The following TENT4B variants were observed in gnomAD, a reference collection of about 807,000 sequenced individuals.
TENT4B encodes the protein terminal nucleotidyltransferase 4B.
In TENT4B, 10 loss-of-function variants were observed where a neutral mutation model predicts 75.0. That is an observed-to-expected ratio of 0.13 (90% CI 0.08 to 0.23). The LOEUF (loss-of-function observed/expected upper bound fraction) is 0.23, where lower values mean the gene tolerates loss of function less well. Ranked by LOEUF, TENT4B falls within the 10% of genes least tolerant of loss-of-function variation. The probability of loss-of-function intolerance (pLI) is 1.00; values close to 1 mark genes in which losing one functional copy is unlikely to be tolerated. For synonymous variants in TENT4B, 350 were observed against 357.7 expected, an observed-to-expected ratio of 0.98 and a Z score of 0.24; for missense variants, 579 against 893.8, an observed-to-expected ratio of 0.65 and a Z score of 4.49.
At chr16:50,175,852 G>C (rs903270257) in intron 1 of TENT4B, among the ~76,000 whole-genome samples, 2 of 151,960 alleles carry the variant, frequency 1.3e-5, no homozygotes, top group Admixed American at 6.6e-5. Context: ...CACCATCAAG[G>C]CTTCGTTGCA....
At chr16:50,217,453 C>T (rs546058103) in intron 4 of TENT4B, 103 bp from the exon 5 acceptor site, 7 of 622,880 alleles carry the variant, frequency 1.1e-5, no homozygotes, top group Admixed American at 3.6e-5. Flanking sequence ...TTCTTATGCT[C>T]TCATGAGATG....
rs2031963970 is a variant in TENT4B, at chr16:50,224,557, G to A, written c.1382-100G>A. The A allele has an allele frequency of 4.1e-6, 6 of 1,458,700 alleles. No individual in the cohort carries two copies. In the South Asian group the frequency reaches 5.2e-5, roughly 13 times the overall value. The allele number at this position is 1,458,700 out of a possible 1,614,324, so 90.4% of individuals were successfully genotyped here. A position where few individuals can be genotyped will look rare whatever the true frequency, so the allele number is the denominator to read the frequency against. ...CTCAGCTTCCAGGCACAACTCTGGTGGGATAACTATGGCCCTTGCTCTCCT... is the reference window on the plus strand; with the variant it reads ...CTCAGCTTCCAGGCACAACTCTGGTAGGATAACTATGGCCCTTGCTCTCCT... On this transcript the variant is annotated intron_variant, in intron 7 of 11. Coordinates refer to ENST00000561678, the MANE Select transcript of TENT4B (RefSeq NM_001365324.3).
intron 4 of TENT4B, 124 bp downstream of exon 4, chr16:50,216,319 A>G: frequency 7.8e-7 from 1 of 1,283,538 alleles, no homozygotes; most frequent in Non-Finnish European, 1.1e-6. Flanking sequence ...TGTTAATGTC[A>G]CCGTGCTTGC....
At chr16:50,153,183 T>C (rs867687282), upstream of TENT4B, among the ~76,000 whole-genome samples, 1 of 21,140 alleles carries the variant, frequency 4.7e-5, no homozygotes, top group Non-Finnish European at 9.5e-5. Flanking sequence ...GGCGGGGCGG[T>C]GGGGGGGGGG....
intron 1 of TENT4B, among the ~76,000 whole-genome samples, chr16:50,190,066 ACT>A (rs1164714288): frequency 1.6e-5 from 2 of 127,940 alleles, no homozygotes; most frequent in East Asian, 4.4e-4. Flanking sequence ...ACAGAGTGAG[ACT>A]CTGTTTCAAA....
chr16:50,174,319 G>A (rs1156280422), intron 1 of TENT4B, among the ~76,000 whole-genome samples: 1 of 151,902 alleles, frequency 6.6e-6, no homozygotes, highest in Non-Finnish European at 1.5e-5. Flanking sequence ...GCTGGTCTTG[G>A]ACTCCTGGTC....
At chr16:50,152,960 C>A, upstream of TENT4B, 1 of 1,509,152 alleles carries the variant, frequency 6.6e-7, no homozygotes, top group African/African-American at 1.4e-5. Context: ...TCCATGCGGC[C>A]TCGTCCACGC....
At chr16:50,187,834 G>A (rs1277990161) in intron 1 of TENT4B, among the ~76,000 whole-genome samples, 1 of 151,780 alleles carries the variant, frequency 6.6e-6, no homozygotes, top group Non-Finnish European at 1.5e-5. Context: ...AGACCAGCCT[G>A]GGCAATATAG....
chr16:50,205,059 T>G (rs2150726972), intron 1 of TENT4B, among the ~76,000 whole-genome samples: 1 of 152,332 alleles, frequency 6.6e-6, no homozygotes, highest in East Asian at 1.9e-4. Flanking sequence ...TGTGTTTTCT[T>G]TAATGAATTT....
intron 1 of TENT4B, among the ~76,000 whole-genome samples, chr16:50,175,511 A>C (rs116569162): frequency 0.018 from 2,700 of 152,136 alleles, 98 homozygotes; most frequent in African/African-American, 0.062. Context: ...TTTGAGATGG[A>C]GTCTCGCTTT....
rs1311260608 is a variant in TENT4B, at chr16:50,231,246, A to ATG, written c.*1920_*1921dup. The ATG allele has an allele frequency of 1.0e-6, 1 of 985,288 alleles. No homozygotes were observed. The highest frequency in any genetic ancestry group is 4.7e-5 in the South Asian group (1 of 21,282). The allele number at this position is 985,288 out of a possible 1,614,324, so 61.0% of individuals were successfully genotyped here. A position where few individuals can be genotyped will look rare whatever the true frequency, so the allele number is the denominator to read the frequency against. ...TATTCTGATCAGAATTTTTATTGAG[A>ATG]TGTTGAGCTTTTGTTTTTGAAACTA... On this transcript the variant is annotated 3_prime_UTR_variant, in exon 12 of 12. Transcript: ENST00000561678.
At chr16:50,217,154 A>G (rs886136282) in intron 4 of TENT4B, among the ~76,000 whole-genome samples, 2 of 152,226 alleles carry the variant, frequency 1.3e-5, no homozygotes, top group African/African-American at 4.8e-5. Flanking sequence ...TCATTTTAAA[A>G]TTATCATTAT....
At chr16:50,164,184 G>A (rs2038055963) in intron 1 of TENT4B, among the ~76,000 whole-genome samples, 1 of 152,018 alleles carries the variant, frequency 6.6e-6, no homozygotes, top group Non-Finnish European at 1.5e-5. Flanking sequence ...AAAAAAGAAA[G>A]AAAGAAAGAA....
intron 1 of TENT4B, among the ~76,000 whole-genome samples, chr16:50,198,119 TAAAA>T (rs10682302): frequency 7.5e-6 from 1 of 134,172 alleles, no homozygotes; most frequent in African/African-American, 2.8e-5. Flanking sequence ...AAAATATAAT[TAAAA>T]AAAAAAAAAA....
chr16:50,168,897 C>T lies in TENT4B; in HGVS notation c.638+14638C>T, dbSNP rs553783001. ...CTGGCCTCAGGTGGTCCGTCCACTT[C>T]GGCCTCCCAAAGTGCTGGGATTACA... On this transcript the variant is annotated intron_variant, in intron 1 of 11. Transcript: ENST00000561678. 5.1e-4 allele frequency among the ~76,000 whole-genome samples: 77 copies of T among 150,308 alleles called. 1 individual carries two copies. Among genetic ancestry groups the T allele is most frequent in the Admixed American group, 1.3e-3 (20 of 15,112 alleles).
At position 50,154,214 on chromosome 16, in the gene TENT4B, G is replaced by A; in HGVS notation, c.593G>A (p.Ser198Asn). The change falls in exon 1 of 12, where the codon AGC (serine) becomes AAC (asparagine). Residue 198 changes from serine (S) to asparagine (N), a missense_variant. Physicochemically the swap from Ser to Asn is conservative, Grantham distance 46. Transcript: ENST00000561678. ...GCAGACGGCGGCGGGGTCGTGTACAGCGGGACCCCGTGGAAACGGAGGAAC... is the reference window on the plus strand; with the variant it reads ...GCAGACGGCGGCGGGGTCGTGTACAACGGGACCCCGTGGAAACGGAGGAAC... ...GRADGGGVVY[S>N]GTPWKRRNYN... 1.4e-6 allele frequency: 2 copies of A among 1,479,320 alleles called. No individual in the cohort carries two copies. The highest frequency in any genetic ancestry group is 1.3e-5 in the South Asian group (1 of 75,706). 91.6% of individuals were successfully genotyped at this position (1,479,320 alleles called of 1,614,324 possible).
In TENT4B at chr16:50,231,153, G is replaced by C; in HGVS notation, c.*1825G>C. On this transcript the variant is annotated 3_prime_UTR_variant, in exon 12 of 12. Transcript: ENST00000561678. ...CCAAAACTGGAAACTCATAGTACTC[G>C]TGTAAACTGTGGAAGATTTCAAATG... is the stretch of plus-strand genomic sequence containing the variant. 1 of 985,386 alleles carries C rather than the reference G, an allele frequency of 1.0e-6. No homozygotes were observed. Among genetic ancestry groups the C allele is most frequent in the Non-Finnish European group, 1.2e-6 (1 of 829,564 alleles). 61.0% of individuals were successfully genotyped at this position (985,386 alleles called of 1,614,324 possible).
chr16:50,214,647 C>T (rs1034976356), intron 3 of TENT4B, among the ~76,000 whole-genome samples: 9 of 152,150 alleles, frequency 5.9e-5, no homozygotes, highest in African/African-American at 2.2e-4. Context: ...CAGAGCAAGA[C>T]TCTGTCTCAA....
At chr16:50,191,375 A>AT (rs1384738173) in intron 1 of TENT4B, among the ~76,000 whole-genome samples, 12 of 151,722 alleles carry the variant, frequency 7.9e-5, no homozygotes, top group African/African-American at 2.2e-4. Flanking sequence ...AACACTTAGT[A>AT]TTTTTTTTGA....
Sources: allele counts gnomAD v4.1 joint callset (sites outside exome capture counted in the v4.1 genomes callset), GRCh38; gene constraint gnomAD v4.1.1; transcripts MANE v1.5; gene names NCBI Gene and HGNC (gene_info 2026-07-23, HGNC 2026-07-21).